CCDC91: variants seen among roughly 807,000 people sequenced by gnomAD.
CCDC91 encodes the protein coiled-coil domain containing 91.
Under a neutral mutation model 63.2 loss-of-function variants are expected in CCDC91, and 48 were observed. The observed-to-expected ratio is 0.76, with a 90% CI of 0.60 to 0.97. The LOEUF (loss-of-function observed/expected upper bound fraction) is 0.97. Ranked by LOEUF, CCDC91 falls within the 50% of genes least tolerant of loss-of-function variation. The probability of loss-of-function intolerance (pLI) is 0.00; values close to 1 mark genes in which losing one functional copy is unlikely to be tolerated. For missense variants in CCDC91, 500 were observed against 494.6 expected, an observed-to-expected ratio of 1.01 and a Z score of -0.10; for synonymous variants, 167 against 165.8, an observed-to-expected ratio of 1.01 and a Z score of -0.06.
chr12:28,312,896 C>T (rs768868357), intron 6 of CCDC91, among the ~76,000 whole-genome samples: 3 of 152,022 alleles, frequency 2.0e-5, no homozygotes, highest in Non-Finnish European at 2.9e-5. Context: ...TGTCAGGCCT[C>T]CTCAGCCAAG....
chr12:28,339,609 A>G (rs1942269773), intron 6 of CCDC91, among the ~76,000 whole-genome samples: 1 of 152,176 alleles, frequency 6.6e-6, no homozygotes, highest in African/African-American at 2.4e-5. Flanking sequence ...TAATAAATAG[A>G]GATGATATAT....
chr12:28,392,818 C>G (rs1343313040), intron 8 of CCDC91, among the ~76,000 whole-genome samples: 1 of 152,212 alleles, frequency 6.6e-6, no homozygotes, highest in African/African-American at 2.4e-5. Flanking sequence ...GTGCTGTATT[C>G]TCTCCATTAT....
chr12:28,218,483 A>G (rs1050818687), intron 1 of CCDC91, among the ~76,000 whole-genome samples: 3 of 149,586 alleles, frequency 2.0e-5, no homozygotes, highest in African/African-American at 7.3e-5. Context: ...AATCACCAAT[A>G]TTAAGTATGT....
chr12:28,391,386 A>G lies in CCDC91; in HGVS notation c.737A>G (p.Lys246Arg), dbSNP rs761859640. 3 of 1,609,738 alleles carry G rather than the reference A, an allele frequency of 1.9e-6. No individual in the cohort carries two copies. The highest frequency in any genetic ancestry group is 2.2e-5 in the South Asian group (2 of 90,954). Residue 246 changes from lysine (K) to arginine (R), a missense_variant, in exon 8 of 13, where the codon AAG becomes AGG. Coordinates refer to ENST00000536442, the MANE Select transcript of CCDC91 (RefSeq NM_018318.5). ...TCTGCAATTGAGAAACAGGCACACA[A>G]GTGTGAGGAGTTGCTAAATGCTCAG... ...YISAIEKQAH[K>R]CEELLNAQHQ... is the part of the protein sequence containing the mutation.
At chr12:28,414,591 CAT>C (rs1947523883) in intron 8 of CCDC91, among the ~76,000 whole-genome samples, 1 of 152,168 alleles carries the variant, frequency 6.6e-6, no homozygotes, top group Non-Finnish European at 1.5e-5. Context: ...CTGTGTGTCA[CAT>C]GATTCTTTTC....
At chr12:28,473,658 T>C (rs1462556200) in intron 11 of CCDC91, among the ~76,000 whole-genome samples, 1 of 152,134 alleles carries the variant, frequency 6.6e-6, no homozygotes, top group Non-Finnish European at 1.5e-5. Context: ...ACTTCAAACT[T>C]GGCATTGATT....
At chr12:28,252,081 T>G (rs572416462) in intron 1 of CCDC91, among the ~76,000 whole-genome samples, 54 of 152,244 alleles carry the variant, frequency 3.5e-4, no homozygotes, top group Non-Finnish European at 7.1e-4. Flanking sequence ...TGTAAATCAT[T>G]TTCCCCCAGA....
chr12:28,391,123 G>A (rs1423448859), intron 7 of CCDC91, among the ~76,000 whole-genome samples, 181 bp from the exon 8 acceptor site: 1 of 152,000 alleles, frequency 6.6e-6, no homozygotes, highest in Non-Finnish European at 1.5e-5. Context: ...ATAGGAAAAT[G>A]TAAAAGCAAA....
At chr12:28,234,590 A>AT (rs1445476321) in intron 1 of CCDC91, among the ~76,000 whole-genome samples, 1 of 152,164 alleles carries the variant, frequency 6.6e-6, no homozygotes, top group Admixed American at 6.6e-5. Flanking sequence ...AGTTCAGCTA[A>AT]TGGGAGCATG....
chr12:28,449,598 T>C (rs1949700663), intron 8 of CCDC91, among the ~76,000 whole-genome samples: 1 of 152,022 alleles, frequency 6.6e-6, no homozygotes, highest in Admixed American at 6.5e-5. Flanking sequence ...ATTAACTTTA[T>C]ACACATTTAT....
At chr12:28,294,921 A>G (rs1949466617) in intron 3 of CCDC91, among the ~76,000 whole-genome samples, 1 of 152,186 alleles carries the variant, frequency 6.6e-6, no homozygotes, top group East Asian at 1.9e-4. Context: ...AGTCTCAGGT[A>G]GTATCTTTAT....
At position 28,306,877 on chromosome 12, in the gene CCDC91, C is replaced by T; in HGVS notation, c.403C>T (p.Gln135Ter). 6.2e-7 allele frequency: 1 copy of T among 1,611,916 alleles called. No individual in the cohort carries two copies. The highest frequency in any genetic ancestry group is 8.5e-7 in the Non-Finnish European group (1 of 1,178,700). The change falls in exon 5 of 13, where the codon CAG becomes TAG. Residue 135 changes from glutamine (Q) to a stop codon, truncating the protein, a stop_gained. Coordinates refer to ENST00000536442, the MANE Select transcript of CCDC91 (RefSeq NM_018318.5). LOFTEE classifies it high-confidence loss of function. ...PGANVSNIQL[Q>*]QKISSLEIKL... ...AGCCAATGTATCTAACATACAGCTT[C>T]AGCAAAAAATTTCAAGTCTGGAGAT...
chr12:28,269,978 AT>A (rs1443313076), intron 3 of CCDC91, among the ~76,000 whole-genome samples: 1 of 151,852 alleles, frequency 6.6e-6, no homozygotes, highest in African/African-American at 2.4e-5. Context: ...GTATGCATTA[AT>A]TTTTTTCCTT....
At chr12:28,489,192 C>A (rs1951872954) in intron 12 of CCDC91, among the ~76,000 whole-genome samples, 1 of 151,820 alleles carries the variant, frequency 6.6e-6, no homozygotes, top group Non-Finnish European at 1.5e-5. Flanking sequence ...GCTTCTTATG[C>A]CTCAGGGTAA....
chr12:28,273,234 T>C (rs2136412145), intron 3 of CCDC91, among the ~76,000 whole-genome samples: 1 of 152,324 alleles, frequency 6.6e-6, no homozygotes, highest in East Asian at 1.9e-4. Flanking sequence ...TAATCCAGTC[T>C]ATCATTGCTG....
At chr12:28,429,586 A>G (rs765730307) in intron 8 of CCDC91, among the ~76,000 whole-genome samples, 1 of 152,160 alleles carries the variant, frequency 6.6e-6, no homozygotes, top group Non-Finnish European at 1.5e-5. Flanking sequence ...TTGACTTTTT[A>G]GGGAAGAATT....
chr12:28,469,472 G>T (rs1268916380), intron 11 of CCDC91, among the ~76,000 whole-genome samples: 2 of 152,038 alleles, frequency 1.3e-5, no homozygotes, highest in East Asian at 3.9e-4. Context: ...CTGCATCCAT[G>T]GATTGAAATA....
At chr12:28,437,399 T>C (rs1203261559) in intron 8 of CCDC91, among the ~76,000 whole-genome samples, 4 of 152,108 alleles carry the variant, frequency 2.6e-5, no homozygotes, top group African/African-American at 9.7e-5. Flanking sequence ...ATTGTTTTTA[T>C]TCCTTTGTAT....
intron 1 of CCDC91, among the ~76,000 whole-genome samples, chr12:28,246,703 G>T (rs1209118819): frequency 6.6e-6 from 1 of 152,150 alleles, no homozygotes; most frequent in Non-Finnish European, 1.5e-5. Flanking sequence ...AGTTCTGGTA[G>T]TTTTCAAGAA....
Sources: gnomAD v4.1 joint callset for allele counts (sites outside exome capture counted in the v4.1 genomes callset) on GRCh38, gnomAD v4.1.1 for gene constraint, MANE v1.5 for transcripts, NCBI Gene and HGNC (gene_info 2026-07-23, HGNC 2026-07-21) for gene names.